DYNLT5: variants seen among roughly 807,000 people sequenced by gnomAD.
DYNLT5 encodes dynein light chain Tctex-type family member 5.
A neutral mutation model predicts 19.3 loss-of-function variants in DYNLT5; 25 were observed. The observed-to-expected ratio is 1.30, with a 90% CI of 0.95 to 1.81. The LOEUF (loss-of-function observed/expected upper bound fraction) is 1.81, where lower values mean the gene tolerates loss of function less well. Among genes scored for constraint, DYNLT5 ranks in the 40% most tolerant of loss-of-function variants. DYNLT5 has a pLI of 0.00. For missense variants in DYNLT5, 232 were observed against 217.9 expected (o/e 1.06, Z -0.41); for synonymous variants, 82 against 68.9 (o/e 1.19, Z -0.94).
At position 66,770,380 on chromosome 1, in the gene DYNLT5, T is replaced by C; in HGVS notation, c.120-7T>C. 6.3e-7 allele frequency: 1 copy of C among 1,596,920 alleles called. No individual in the cohort carries two copies. The highest frequency in any genetic ancestry group is 8.6e-7 in the Non-Finnish European group (1 of 1,166,804). ...TGACTAAAATTTGTTTTCTCCCTTG[T>C]TTTTAGTTCTATGAGTACTGTGTCT... On this transcript the variant is annotated splice_polypyrimidine_tract_variant and splice_region_variant and intron_variant, in intron 2 of 4. Transcript: ENST00000282670.
At chr1:66,764,562 C>T (rs1462693204) in intron 2 of DYNLT5, among the ~76,000 whole-genome samples, 1 of 152,110 alleles carries the variant, frequency 6.6e-6, no homozygotes, top group Non-Finnish European at 1.5e-5. Flanking sequence ...AAACCAATTA[C>T]AATAATAACA....
At chr1:66,775,141 A>G (rs926328072) in intron 3 of DYNLT5, 2 of 152,230 alleles carry the variant, frequency 1.3e-5, no homozygotes, top group Non-Finnish European at 2.9e-5. Context: ...ATTCATTTGA[A>G]GCTTCTCCTC....
intron 3 of DYNLT5, among the ~76,000 whole-genome samples, chr1:66,771,791 G>C (rs11208954): frequency 0.19 from 29,571 of 152,122 alleles, 3,229 homozygotes; most frequent in African/African-American, 0.3. Context: ...AATCAGATTT[G>C]AACAAGACAG....
In DYNLT5 at chr1:66,777,600, C is replaced by A; in HGVS notation, c.*146C>A. 1 of 639,046 alleles carries A rather than the reference C, an allele frequency of 1.6e-6. No individual in the cohort carries two copies. Among genetic ancestry groups the A allele is most frequent in the Non-Finnish European group, 2.5e-6 (1 of 397,544 alleles). 39.6% of individuals were successfully genotyped at this position (639,046 alleles called of 1,614,324 possible). A position where few individuals can be genotyped will look rare whatever the true frequency, so the allele number is the denominator to read the frequency against. Reference sequence around the variant, plus strand: ...GGAAGCTTTTGAATTTTTTCATATTCTAGTAAAGATTTGGGGAGGGGAGGG... The same window carrying A: ...GGAAGCTTTTGAATTTTTTCATATTATAGTAAAGATTTGGGGAGGGGAGGG... On this transcript the variant is annotated 3_prime_UTR_variant, in exon 5 of 5. Transcript: ENST00000282670.
intron 2 of DYNLT5, among the ~76,000 whole-genome samples, chr1:66,760,348 A>G (rs472181): frequency 0.39 from 59,620 of 151,916 alleles, 12,364 homozygotes; most frequent in Middle Eastern, 0.53. Context: ...CCTGGCATAT[A>G]ATAGTCACTC....
At chr1:66,772,821 A>G (rs1381487738) in intron 3 of DYNLT5, among the ~76,000 whole-genome samples, 1 of 152,228 alleles carries the variant, frequency 6.6e-6, no homozygotes, top group Admixed American at 6.5e-5. Flanking sequence ...TACCATTTAT[A>G]TATTTCTCAT....
At chr1:66,758,033 T>A (rs1213229255) in intron 2 of DYNLT5, among the ~76,000 whole-genome samples, 2 of 152,208 alleles carry the variant, frequency 1.3e-5, no homozygotes, top group South Asian at 4.1e-4. Flanking sequence ...TAAAGATAGA[T>A]GTTATTATCT....
chr1:66,776,421 C>T lies in DYNLT5; in HGVS notation c.336+18C>T, dbSNP rs1645235376. ...TTTCTGAGGTACGTGTGTGATTTGC[C>T]CAAAGTGTTAACAATAGCTAGAATA... On this transcript the variant is annotated intron_variant, in intron 4 of 4. Transcript: ENST00000282670. 7 of 1,583,696 alleles carry T rather than the reference C, an allele frequency of 4.4e-6. No homozygotes were observed. Among genetic ancestry groups the T allele is most frequent in the South Asian group, 1.2e-5 (1 of 85,898 alleles).
chr1:66,766,820 T>C (rs1047541722), intron 2 of DYNLT5, among the ~76,000 whole-genome samples: 3 of 152,324 alleles, frequency 2.0e-5, no homozygotes, highest in Non-Finnish European at 2.9e-5. Context: ...ATAGTCTTAA[T>C]TGATGCACAG....
At chr1:66,758,798 C>T (rs569544456) in intron 2 of DYNLT5, among the ~76,000 whole-genome samples, 167 of 152,286 alleles carry the variant, frequency 1.1e-3, no homozygotes, top group Non-Finnish European at 2.0e-3. Flanking sequence ...TTCATTACTT[C>T]ATTTCAACAG....
At chr1:66,760,695 G>T (rs927632886) in intron 2 of DYNLT5, among the ~76,000 whole-genome samples, 3 of 152,178 alleles carry the variant, frequency 2.0e-5, no homozygotes, top group Non-Finnish European at 4.4e-5. Context: ...CTTTGTAGAG[G>T]TATTCATGGC....
At chr1:66,756,773 G>A (rs961198449) in intron 2 of DYNLT5, among the ~76,000 whole-genome samples, 1 of 152,098 alleles carries the variant, frequency 6.6e-6, no homozygotes, top group African/African-American at 2.4e-5. Context: ...TACTTCCATA[G>A]CACCATCTTC....
intron 2 of DYNLT5, among the ~76,000 whole-genome samples, chr1:66,758,437 A>T (rs1391091059): frequency 6.6e-6 from 1 of 152,170 alleles, no homozygotes; most frequent in Non-Finnish European, 1.5e-5. Context: ...CCACTAGTAG[A>T]TTAGGGACAA....
intron 2 of DYNLT5, among the ~76,000 whole-genome samples, chr1:66,767,084 G>A (rs892527718): frequency 7.2e-5 from 11 of 151,872 alleles, no homozygotes; most frequent in African/African-American, 9.7e-5. Context: ...ACAAACTCCC[G>A]TGACACAAGT....
Position 66,770,424 on chromosome 1 carries a change from C to T in DYNLT5, c.157C>T (p.Gln53Ter), listed in dbSNP as rs373137333. Reference protein sequence around the residue: ...STVSYMEEPSQRDDISRLTVQ... With the variant: ...STVSYMEEPS ...TGTGTCTTATATGGAAGAACCCAGT[C>T]AGCGTGATGATATCTCTCGCCTTAC... Residue 53 changes from glutamine (Q) to a stop codon, truncating the protein, a stop_gained, in exon 3 of 5, where the codon CAG (glutamine) becomes TAG (stop). Coordinates refer to ENST00000282670, the MANE Select transcript of DYNLT5 (RefSeq NM_152665.3). LOFTEE classifies it high-confidence loss of function. 10 of 1,613,432 alleles carry T rather than the reference C, an allele frequency of 6.2e-6. No homozygotes were observed. In the African/African-American group the frequency reaches 1.2e-4, roughly 19 times the overall value.
chr1:66,763,899 T>C (rs899887613), intron 2 of DYNLT5, among the ~76,000 whole-genome samples: 26 of 152,156 alleles, frequency 1.7e-4, no homozygotes, highest in African/African-American at 6.0e-4. Context: ...CTTCAAGAAC[T>C]TTTCAGGCAG....
Position 66,754,740 on chromosome 1 carries a change from G to A in DYNLT5, c.82G>A (p.Glu28Lys), listed in dbSNP as rs200597470. The change falls in exon 2 of 5, where the codon GAA becomes AAA. Residue 28 changes from glutamate (E) to lysine (K), a missense_variant. Physicochemically the swap from Glu to Lys is moderately conservative, Grantham distance 56. Transcript: ENST00000282670. ...RGSISSLSNHEFWRKEIHGRI... is the reference protein window; with the variant it reads ...RGSISSLSNHKFWRKEIHGRI... ...GAGTATTTCTTCTCTAAGTAATCAT[G>A]AATTTTGGCGAAAGGAAATTCATGG... 26 of 1,612,812 alleles carry A rather than the reference G, an allele frequency of 1.6e-5. No homozygotes were observed. The East Asian group carries it at 4.0e-4, about 25-fold the overall frequency.
In DYNLT5 at chr1:66,777,399, T is replaced by C; in HGVS notation, c.485T>C (p.Phe162Ser). Residue 162 changes from phenylalanine to serine, a missense_variant, in exon 5 of 5, where the codon TTC becomes TCC. Transcript: ENST00000282670. ...PKSDTFSSYV[F>S]RNSSLFALAN... ...AGTGATACCTTTTCATCTTATGTTT[T>C]CAGAAATTCTTCTCTCTTCGCTCTT... The C allele has an allele frequency of 6.2e-7, 1 of 1,613,932 alleles. No individual in the cohort carries two copies. Among genetic ancestry groups the C allele is most frequent in the Non-Finnish European group, 8.5e-7 (1 of 1,179,868 alleles).
At chr1:66,769,701 G>A (rs924262031) in intron 2 of DYNLT5, among the ~76,000 whole-genome samples, 3 of 152,128 alleles carry the variant, frequency 2.0e-5, no homozygotes, top group Middle Eastern at 3.2e-3. Context: ...AAGTAGTGCT[G>A]GAGAGACAGT....
Sources: allele counts gnomAD v4.1 joint callset (sites outside exome capture counted in the v4.1 genomes callset), GRCh38; gene constraint gnomAD v4.1.1; transcripts MANE v1.5; gene names NCBI Gene and HGNC (gene_info 2026-07-23, HGNC 2026-07-21).